PAG1: variants seen among roughly 807,000 people sequenced by gnomAD.
PAG1 encodes the protein phosphoprotein associated with glycosphingolipid-enriched microdomains 1.
PAG1 carries 23 observed loss-of-function variants against 31.7 expected under a neutral mutation model. That is an observed-to-expected ratio of 0.73 (90% CI 0.52 to 1.03). The LOEUF (loss-of-function observed/expected upper bound fraction) is 1.03, where lower values mean the gene tolerates loss of function less well. Among genes scored for constraint, PAG1 ranks in the 50% least tolerant of loss-of-function variants. The probability of loss-of-function intolerance (pLI) is 0.00; values close to 1 mark genes in which losing one functional copy is unlikely to be tolerated. For missense variants in PAG1, 473 were observed against 540.7 expected, an observed-to-expected ratio of 0.87 and a Z score of 1.24; for synonymous variants, 214 against 210.3, an observed-to-expected ratio of 1.02 and a Z score of -0.15.
At chr8:81,045,732 G>A (rs75483693) in intron 2 of PAG1, among the ~76,000 whole-genome samples, 4,398 of 152,170 alleles carry the variant, frequency 0.029, 99 homozygotes, top group African/African-American at 0.056. Context: ...AAAAAGAGTG[G>A]TTCATTCAAC....
intron 2 of PAG1, among the ~76,000 whole-genome samples, chr8:81,065,455 A>G (rs1271232126): frequency 2.0e-5 from 3 of 152,114 alleles, no homozygotes; most frequent in South Asian, 2.1e-4. Context: ...AAATTAGGGG[A>G]AAAAAACAAC....
At chr8:81,091,279 A>T (rs150047197) in intron 1 of PAG1, among the ~76,000 whole-genome samples, 1 of 152,358 alleles carries the variant, frequency 6.6e-6, no homozygotes, top group East Asian at 1.9e-4. Context: ...ATGCCGAATT[A>T]GAGTTTCATA....
chr8:81,055,845 A>C (rs1354331755), intron 2 of PAG1, among the ~76,000 whole-genome samples: 2 of 152,256 alleles, frequency 1.3e-5, no homozygotes, highest in Non-Finnish European at 2.9e-5. Flanking sequence ...TATCAGCTAA[A>C]GGAGATTTTG....
At chr8:81,016,979 C>T (rs1808083438) in intron 3 of PAG1, among the ~76,000 whole-genome samples, 1 of 152,080 alleles carries the variant, frequency 6.6e-6, no homozygotes, top group Non-Finnish European at 1.5e-5. Flanking sequence ...GTTAAAGCTC[C>T]CAGAAAAGTG....
At chr8:81,019,562 T>C (rs544310318) in intron 3 of PAG1, among the ~76,000 whole-genome samples, 2 of 152,310 alleles carry the variant, frequency 1.3e-5, no homozygotes, top group Non-Finnish European at 2.9e-5. Flanking sequence ...GCCCCAAGCA[T>C]TGGTGGCTTA....
chr8:80,985,264 T>A lies in PAG1; in HGVS notation c.388A>T (p.Ser130Cys). The A allele has an allele frequency of 1.2e-6, 2 of 1,614,218 alleles. No homozygotes were observed. The highest frequency in any genetic ancestry group is 1.7e-6 in the Non-Finnish European group (2 of 1,180,038). Residue 130 changes from serine (S) to cysteine (C), a missense_variant, in exon 7 of 9, where the codon AGT (serine) becomes TGT (cysteine). Physicochemically the swap from Ser to Cys is moderately radical, Grantham distance 112. Transcript: ENST00000220597. ...DSTGKPKCHQ[S>C]RELPRIPPES... ...GGAGGGATTCTGGGCAGCTCCCGAC[T>A]CTGATGACATTTTGGTTTCCCTGTG...
rs1375462568 is a variant in PAG1 at position 80,972,185 on chromosome 8, A to G, written c.*4359T>C. 2 of 152,208 alleles carry G rather than the reference A, an allele frequency of 1.3e-5. 1 individual carries two copies. Among genetic ancestry groups the G allele is most frequent in the South Asian group, 4.1e-4 (2 of 4,830 alleles). The allele number at this position is 152,208 out of a possible 1,614,324, so 9.4% of individuals were successfully genotyped here. A position where few individuals can be genotyped will look rare whatever the true frequency, so the allele number is the denominator to read the frequency against. ...ACTTTTCCCCATTACACAGTACAAT[A>G]AGCCTGTCAAGATTTCCAGGAAGTA... On this transcript the variant is annotated 3_prime_UTR_variant, in exon 9 of 9. Coordinates refer to ENST00000220597, the MANE Select transcript of PAG1 (RefSeq NM_018440.4).
intron 2 of PAG1, among the ~76,000 whole-genome samples, chr8:81,046,510 A>C (rs1334728505): frequency 6.6e-6 from 1 of 152,178 alleles, no homozygotes; most frequent in Non-Finnish European, 1.5e-5. Flanking sequence ...CAATTGCTTT[A>C]TGGGTACAGG....
intron 3 of PAG1, among the ~76,000 whole-genome samples, chr8:81,000,534 T>C (rs1216981240): frequency 6.6e-6 from 1 of 152,136 alleles, no homozygotes; most frequent in Non-Finnish European, 1.5e-5. Context: ...TAAGGACTCC[T>C]GGGTTTAAGT....
At chr8:81,106,710 TAG>T (rs931775601) in intron 1 of PAG1, among the ~76,000 whole-genome samples, 29 of 151,972 alleles carry the variant, frequency 1.9e-4, no homozygotes, top group African/African-American at 7.0e-4. Context: ...CGAGAAAAAA[TAG>T]AGGGGGCAGG....
chr8:81,054,101 A>G (rs1205771552), intron 2 of PAG1, among the ~76,000 whole-genome samples: 1 of 152,200 alleles, frequency 6.6e-6, no homozygotes, highest in Non-Finnish European at 1.5e-5. Flanking sequence ...CCTAAATTAG[A>G]TGGCAAATGA....
At position 80,969,365 on chromosome 8, in the gene PAG1, C is replaced by A. The variant is rs1258770343; in HGVS notation, c.*7179G>T. 1 of 152,138 alleles carries A rather than the reference C, an allele frequency of 6.6e-6. No individual in the cohort carries two copies. The highest frequency in any genetic ancestry group is 1.5e-5 in the Non-Finnish European group (1 of 68,030). 9.4% of individuals were successfully genotyped at this position (152,138 alleles called of 1,614,324 possible). A position where few individuals can be genotyped will look rare whatever the true frequency, so the allele number is the denominator to read the frequency against. ...AAAATCCTCAACCCATAGACTCAGGCTTTTGGTCCCAGCCTCTTCTTCCAG... is the reference window on the plus strand; with the variant it reads ...AAAATCCTCAACCCATAGACTCAGGATTTTGGTCCCAGCCTCTTCTTCCAG... On this transcript the variant is annotated 3_prime_UTR_variant, in exon 9 of 9. Coordinates refer to ENST00000220597, the MANE Select transcript of PAG1 (RefSeq NM_018440.4).
At chr8:81,049,376 G>C (rs571786414) in intron 2 of PAG1, among the ~76,000 whole-genome samples, 2 of 152,232 alleles carry the variant, frequency 1.3e-5, no homozygotes, top group East Asian at 3.9e-4. Context: ...TACACAAAAA[G>C]CTATTAATGT....
chr8:81,035,096 T>C (rs987137141), intron 2 of PAG1, among the ~76,000 whole-genome samples: 3 of 152,064 alleles, frequency 2.0e-5, no homozygotes, highest in Admixed American at 2.0e-4. Flanking sequence ...GAGGCAAAGC[T>C]ATCAGCAAAG....
intron 2 of PAG1, among the ~76,000 whole-genome samples, chr8:81,043,884 G>C (rs1322107224): frequency 1.3e-5 from 2 of 152,104 alleles, no homozygotes; most frequent in Admixed American, 6.6e-5. Flanking sequence ...GTACCTTCTG[G>C]GAATTCTTAA....
intron 2 of PAG1, among the ~76,000 whole-genome samples, chr8:81,054,327 G>A (rs1808779277): frequency 6.6e-6 from 1 of 152,130 alleles, no homozygotes; most frequent in South Asian, 2.1e-4. Flanking sequence ...TTTAACCTCT[G>A]AGGCTCAGAT....
chr8:81,089,490 C>T (rs537022272), intron 1 of PAG1, among the ~76,000 whole-genome samples: 1 of 152,098 alleles, frequency 6.6e-6, no homozygotes, highest in African/African-American at 2.4e-5. Context: ...ATGGCGTGAA[C>T]CCAGGAGGTG....
At chr8:80,981,949 T>A (rs1340372265) in intron 7 of PAG1, among the ~76,000 whole-genome samples, 4 of 146,682 alleles carry the variant, frequency 2.7e-5, no homozygotes, top group African/African-American at 1.0e-4. Flanking sequence ...CACTGCAGCC[T>A]TGACCTCCCA....
intron 2 of PAG1, among the ~76,000 whole-genome samples, chr8:81,056,586 C>G (rs1045403311): frequency 1.3e-5 from 2 of 152,196 alleles, no homozygotes; most frequent in African/African-American, 4.8e-5. Flanking sequence ...GGATTTAAGA[C>G]TTAAATGTTA....
Sources: gnomAD v4.1 joint callset for allele counts (sites outside exome capture counted in the v4.1 genomes callset) on GRCh38, gnomAD v4.1.1 for gene constraint, MANE v1.5 for transcripts, NCBI Gene and HGNC (gene_info 2026-07-23, HGNC 2026-07-21) for gene names.